Variants in AGAP1 observed in about 807,000 individuals in gnomAD.
AGAP1 encodes ArfGAP with GTPase domain, ankyrin repeat and PH domain 1, also known as arf-GAP with GTPase, ANK repeat and PH domain-containing protein 1.
Under a neutral mutation model 105.3 loss-of-function variants are expected in AGAP1, and 29 were observed. The observed-to-expected ratio is 0.28, with a 90% CI of 0.21 to 0.38. The LOEUF (loss-of-function observed/expected upper bound fraction) is 0.38, where lower values mean the gene tolerates loss of function less well. Ranked by LOEUF, AGAP1 falls within the 10% of genes least tolerant of loss-of-function variation. The pLI, the probability that AGAP1 is intolerant of heterozygous loss-of-function variation, is 1.00. For synonymous variants in AGAP1, 509 were observed against 485.9 expected, an observed-to-expected ratio of 1.05 and a Z score of -0.63; for missense variants, 998 against 1,165.1, an observed-to-expected ratio of 0.86 and a Z score of 2.09.
chr2:235,972,936 T>C (rs923140181), intron 13 of AGAP1, among the ~76,000 whole-genome samples: 6 of 151,864 alleles, frequency 4.0e-5, no homozygotes, highest in African/African-American at 1.5e-4. Flanking sequence ...TGAACAGACC[T>C]CAGTGCCCTT....
At chr2:235,886,460 C>G (rs1354883386) in intron 10 of AGAP1, among the ~76,000 whole-genome samples, 2 of 152,220 alleles carry the variant, frequency 1.3e-5, no homozygotes, top group Non-Finnish European at 2.9e-5. Context: ...TTCATCCAAT[C>G]CCTTGAGTAT....
At position 236,005,257 on chromosome 2, in the gene AGAP1, C is replaced by G. The variant is rs1469402636; in HGVS notation, c.1646-31304C>G. Among the ~76,000 whole-genome samples, 1 of 152,070 alleles carries G rather than the reference C, an allele frequency of 6.6e-6. No homozygotes were observed. The highest frequency in any genetic ancestry group is 1.5e-5 in the Non-Finnish European group (1 of 68,000). On this transcript the variant is annotated intron_variant, in intron 13 of 17. Transcript: ENST00000304032. This position sits in a 1 kb window ranked among gnomAD's most constrained non-coding sequence, Gnocchi z 4.1. ...GCCTCCCAGACTCAAGCGATTCTTG[C>G]CCCTCAGCCTCCCAAATAGCTGGGA... is the stretch of plus-strand genomic sequence containing the variant.
rs181719406 is a variant in AGAP1 at position 235,756,793 on chromosome 2, C to T, written c.673+6305C>T. The stretch of plus-strand genomic sequence containing the variant: ...CTGTGCATGCGTGAGATCTAGGTTA[C>T]GCATTCCTTAGGAGACTCTAATGCC... On this transcript the variant is annotated intron_variant, in intron 6 of 17. Transcript: ENST00000304032. 1.1e-3 allele frequency among the ~76,000 whole-genome samples: 165 copies of T among 152,212 alleles called. 3 individuals carry two copies. The highest frequency in any genetic ancestry group is 6.8e-3 in the Middle Eastern group (2 of 294).
intron 3 of AGAP1, among the ~76,000 whole-genome samples, chr2:235,730,710 G>A (rs1239342112): frequency 3.3e-5 from 5 of 152,030 alleles, no homozygotes; most frequent in South Asian, 2.1e-4. Flanking sequence ...AGAACCAAAC[G>A]TGTATTACTA....
rs912347864 is a variant in AGAP1, at chr2:235,864,382, T to C, written c.1051-18963T>C. 3.3e-5 allele frequency among the ~76,000 whole-genome samples: 5 copies of C among 152,254 alleles called. No homozygotes were observed. The highest frequency in any genetic ancestry group is 1.3e-4 in the Admixed American group (2 of 15,292). On this transcript the variant is annotated intron_variant, in intron 9 of 17. Transcript: ENST00000304032. The surrounding 1 kb of genome is among the most constrained non-coding windows in gnomAD (Gnocchi z 5.0). Reference sequence around the variant, plus strand: ...TGGATTCTGTTTAATTTTCTTTAGCTATGGGAGAAATGGAGTCCATTTCCA... The same window carrying C: ...TGGATTCTGTTTAATTTTCTTTAGCCATGGGAGAAATGGAGTCCATTTCCA...
rs1416713274 is a variant in AGAP1 at position 236,092,386 on chromosome 2, C to A, written c.2115-27806C>A. 6.6e-6 allele frequency among the ~76,000 whole-genome samples: 1 copy of A among 151,996 alleles called. No homozygotes were observed. The highest frequency in any genetic ancestry group is 1.5e-5 in the Non-Finnish European group (1 of 67,992). On this transcript the variant is annotated intron_variant, in intron 16 of 17. Coordinates refer to ENST00000304032, the MANE Select transcript of AGAP1 (RefSeq NM_001037131.3). This position sits in a 1 kb window ranked among gnomAD's most constrained non-coding sequence, Gnocchi z 4.7. ...AGATCTCTCTGTATTATTTCTTTTT[C>A]TTTTTTGTTTGTTTTGTTTTGTTTG... is the stretch of plus-strand genomic sequence containing the variant.
chr2:235,602,348 T>C (rs1009231140), intron 1 of AGAP1, among the ~76,000 whole-genome samples: 2 of 152,202 alleles, frequency 1.3e-5, no homozygotes, highest in Non-Finnish European at 2.9e-5. Context: ...CTCGATTTTG[T>C]CTCTTGGCCC....
intron 1 of AGAP1, among the ~76,000 whole-genome samples, chr2:235,509,406 TG>T (rs1386990542): frequency 6.6e-6 from 1 of 151,818 alleles, no homozygotes; most frequent in Non-Finnish European, 1.5e-5. Flanking sequence ...GGCTAATTTT[TG>T]TATTTTTAGT....
Position 236,036,435 on chromosome 2 carries a change from G to A in AGAP1, c.1646-126G>A, listed in dbSNP as rs1485136602. 7.8e-7 allele frequency: 1 copy of A among 1,281,968 alleles called. No homozygotes were observed. Among genetic ancestry groups the A allele is most frequent in the East Asian group, 2.3e-5 (1 of 43,058 alleles). 79.4% of individuals were successfully genotyped at this position (1,281,968 alleles called of 1,614,324 possible). On this transcript the variant is annotated intron_variant, in intron 13 of 17. Coordinates refer to ENST00000304032, the MANE Select transcript of AGAP1 (RefSeq NM_001037131.3). This position sits in a 1 kb window ranked among gnomAD's most constrained non-coding sequence, Gnocchi z 5.7. The stretch of plus-strand genomic sequence containing the variant: ...AAATCTCCGCCGCCGTGGTTGTCCA[G>A]TGCCGTGCGCCTCACCGGTCCATGC...
rs947803283 is a variant in AGAP1, at chr2:236,002,899, A to C, written c.1646-33662A>C. ...CTCCTAAGGTGAAGTTTGTGTGTGA[A>C]CAGGAGGGCCGGGGTCGCTGGGTTC... On this transcript the variant is annotated intron_variant, in intron 13 of 17. Transcript: ENST00000304032. The surrounding 1 kb of genome is among the most constrained non-coding windows in gnomAD (Gnocchi z 4.3). 6.6e-6 allele frequency among the ~76,000 whole-genome samples: 1 copy of C among 152,188 alleles called. No individual in the cohort carries two copies. The highest frequency in any genetic ancestry group is 1.5e-5 in the Non-Finnish European group (1 of 68,040).
rs768240116 is a variant in AGAP1 at position 235,906,382 on chromosome 2, G to A, written c.1156-2356G>A. On this transcript the variant is annotated intron_variant, in intron 10 of 17. Transcript: ENST00000304032. This position sits in a 1 kb window ranked among gnomAD's most constrained non-coding sequence, Gnocchi z 5.3. Reference sequence around the variant, plus strand: ...TGTTCTTCCTCCTGGTTCTGACCCTGGTGTTTTGAGCTTTCTGTCTGCACC... The same window carrying A: ...TGTTCTTCCTCCTGGTTCTGACCCTAGTGTTTTGAGCTTTCTGTCTGCACC... Among the ~76,000 whole-genome samples, 1 of 152,144 alleles carries A rather than the reference G, an allele frequency of 6.6e-6. No individual in the cohort carries two copies. The highest frequency in any genetic ancestry group is 1.5e-5 in the Non-Finnish European group (1 of 68,034).
chr2:236,118,218 C>T (rs954876128), intron 16 of AGAP1, among the ~76,000 whole-genome samples: 4 of 152,022 alleles, frequency 2.6e-5, no homozygotes, highest in African/African-American at 7.3e-5. Context: ...TAGACTTTCG[C>T]GGAAGCCCTG....
chr2:235,929,928 T>C (rs1324787172), intron 11 of AGAP1, among the ~76,000 whole-genome samples: 1 of 152,080 alleles, frequency 6.6e-6, no homozygotes, highest in Non-Finnish European at 1.5e-5. Context: ...ACTAAAACAA[T>C]TGGAAGAAAA....
intron 11 of AGAP1, among the ~76,000 whole-genome samples, chr2:235,924,721 G>A (rs2052361208): frequency 6.6e-6 from 1 of 152,162 alleles, no homozygotes; most frequent in Admixed American, 6.5e-5. Context: ...AGTAACTCAT[G>A]TTGTAAGAGG....
Position 235,642,009 on chromosome 2 carries a change from C to T in AGAP1, c.164-67170C>T, listed in dbSNP as rs1319878607. ...GCCGTTTACTGTTGATTGTCCATTTCTTCAGGTATCTTCTTACATCATCTT... is the reference window on the plus strand; with the variant it reads ...GCCGTTTACTGTTGATTGTCCATTTTTTCAGGTATCTTCTTACATCATCTT... On this transcript the variant is annotated intron_variant, in intron 1 of 17. Coordinates refer to ENST00000304032, the MANE Select transcript of AGAP1 (RefSeq NM_001037131.3). This position sits in a 1 kb window ranked among gnomAD's most constrained non-coding sequence, Gnocchi z 4.1. 6.6e-6 allele frequency among the ~76,000 whole-genome samples: 1 copy of T among 152,246 alleles called. No homozygotes were observed. Among genetic ancestry groups the T allele is most frequent in the Non-Finnish European group, 1.5e-5 (1 of 68,040 alleles).
rs1575862613 is a variant in AGAP1 at position 235,951,032 on chromosome 2, G to A, written c.1484-17430G>A. ...AAGAATATTCTAATAGTATCTAATAGTAATGGTGAATTACTCATAGTTTTC... is the reference window on the plus strand; with the variant it reads ...AAGAATATTCTAATAGTATCTAATAATAATGGTGAATTACTCATAGTTTTC... On this transcript the variant is annotated intron_variant, in intron 12 of 17. Coordinates refer to ENST00000304032, the MANE Select transcript of AGAP1 (RefSeq NM_001037131.3). This position sits in a 1 kb window ranked among gnomAD's most constrained non-coding sequence, Gnocchi z 4.2. Among the ~76,000 whole-genome samples, 1 of 151,416 alleles carries A rather than the reference G, an allele frequency of 6.6e-6. No individual in the cohort carries two copies. The highest frequency in any genetic ancestry group is 2.1e-4 in the South Asian group (1 of 4,806).
chr2:236,120,170 C>T lies in AGAP1; in HGVS notation c.2115-22C>T, dbSNP rs1470204722. On this transcript the variant is annotated intron_variant, in intron 16 of 17. Coordinates refer to ENST00000304032, the MANE Select transcript of AGAP1 (RefSeq NM_001037131.3). This position sits in a 1 kb window ranked among gnomAD's most constrained non-coding sequence, Gnocchi z 6.0. ...GTTCTCGGGCCTGATCGTGACTGCA[C>T]CTGTCTGGTGGCTCTTTGCAGGGAA... The T allele has an allele frequency of 1.9e-6, 3 of 1,597,848 alleles. No homozygotes were observed. The highest frequency in any genetic ancestry group is 2.6e-6 in the Non-Finnish European group (3 of 1,170,770).
chr2:236,052,047 C>T (rs2057916763), intron 16 of AGAP1, among the ~76,000 whole-genome samples: 2 of 152,170 alleles, frequency 1.3e-5, no homozygotes, highest in African/African-American at 2.4e-5. Flanking sequence ...TGCCCCACTC[C>T]GCCCCTCCTG....
In AGAP1 at chr2:235,741,906, A is replaced by G. The variant is rs571084878; in HGVS notation, c.396+858A>G. On this transcript the variant is annotated intron_variant, in intron 4 of 17. Coordinates refer to ENST00000304032, the MANE Select transcript of AGAP1 (RefSeq NM_001037131.3). This position sits in a 1 kb window ranked among gnomAD's most constrained non-coding sequence, Gnocchi z 4.9. ...GTAGCTGGGACTACGGGCGCCTGCTACCACGCCTGGCTAATTTTTTGTATT... is the reference window on the plus strand; with the variant it reads ...GTAGCTGGGACTACGGGCGCCTGCTGCCACGCCTGGCTAATTTTTTGTATT... 6.6e-6 allele frequency among the ~76,000 whole-genome samples: 1 copy of G among 151,858 alleles called. No homozygotes were observed. Among genetic ancestry groups the G allele is most frequent in the East Asian group, 1.9e-4 (1 of 5,150 alleles).
Sources: gnomAD v4.1 joint callset for allele counts (sites outside exome capture counted in the v4.1 genomes callset) on GRCh38, gnomAD v4.1.1 for gene constraint, Gnocchi (gnomAD v3.1) non-coding constraint, MANE v1.5 for transcripts, NCBI Gene and HGNC (gene_info 2026-07-23, HGNC 2026-07-21) for gene names.